CD160: variants seen among roughly 807,000 people sequenced by gnomAD.
CD160 encodes CD160 antigen.
CD160 carries 11 observed loss-of-function variants against 19.2 expected under a neutral mutation model. The ratio of observed to expected loss-of-function variants is 0.57; its 90% CI spans 0.36 to 0.95. The LOEUF is 0.95. Among genes scored for constraint, CD160 ranks in the 40% least tolerant of loss-of-function variants. CD160 has a pLI of 0.01. For missense variants in CD160, 182 were observed against 213.2 expected, an observed-to-expected ratio of 0.85 and a Z score of 0.91; for synonymous variants, 75 against 81.1, an observed-to-expected ratio of 0.93 and a Z score of 0.40.
At chr1:145,734,918 C>A (rs1293189277) in intron 4 of CD160, among the ~76,000 whole-genome samples, 4 of 151,860 alleles carry the variant, frequency 2.6e-5, no homozygotes, top group South Asian at 4.2e-4. Context: ...ACAAGCCTGG[C>A]CAACATGGTG....
At chr1:145,733,079 C>G (rs1168748201) in intron 4 of CD160, among the ~76,000 whole-genome samples, 1 of 152,082 alleles carries the variant, frequency 6.6e-6, no homozygotes, top group East Asian at 1.9e-4. Flanking sequence ...TCTCTATGAA[C>G]TTTTACAACT....
rs1230826459 is a variant in CD160, at chr1:145,724,176, A to C, written c.-178-625A>C. On this transcript the variant is annotated intron_variant, in intron 1 of 5. Coordinates refer to ENST00000369288, the MANE Select transcript of CD160 (RefSeq NM_007053.4). ...CTGAAATTCTGAACTCTGAATTTTT[A>C]ATTTGTACTTCCCTGAATACTTGTA... 3.5e-4 allele frequency among the ~76,000 whole-genome samples: 53 copies of C among 152,120 alleles called. 1 individual carries two copies. Among genetic ancestry groups the C allele is most frequent in the Non-Finnish European group, 1.5e-4 (10 of 68,002 alleles).
rs587738512 is a variant in CD160 at position 145,736,278 on chromosome 1, G to T, written c.538+144G>T. The stretch of plus-strand genomic sequence containing the variant: ...TTACTCAAGCCCTGGCTATCCACAG[G>T]AAAGTTCAAACCAGTTTCACTGATC... On this transcript the variant is annotated intron_variant, in intron 5 of 5. Coordinates refer to ENST00000369288, the MANE Select transcript of CD160 (RefSeq NM_007053.4). 5.1e-6 allele frequency: 8 copies of T among 1,555,224 alleles called. No individual in the cohort carries two copies. The East Asian group carries it at 1.9e-4, about 37-fold the overall frequency.
intron 5 of CD160, chr1:145,737,182 T>C (rs1478897459): frequency 6.6e-6 from 1 of 151,746 alleles, no homozygotes; most frequent in African/African-American, 2.4e-5. Flanking sequence ...CCCAGGCTGG[T>C]TGAGGTTGCA....
At chr1:145,733,968 CCCA>C (rs1273020819) in intron 4 of CD160, among the ~76,000 whole-genome samples, 3 of 152,162 alleles carry the variant, frequency 2.0e-5, no homozygotes, top group African/African-American at 7.2e-5. Flanking sequence ...TCCTGGATGT[CCCA>C]CCATTTCCTC....
intron 3 of CD160, among the ~76,000 whole-genome samples, chr1:145,729,223 C>A (rs587705800): frequency 6.6e-6 from 1 of 152,302 alleles, no homozygotes; most frequent in East Asian, 1.9e-4. Context: ...ATATCTCTTA[C>A]TCTTGTAGGA....
At chr1:145,728,505 T>TA in intron 3 of CD160, 105 bp downstream of exon 3, 1 of 324,526 alleles carries the variant, frequency 3.1e-6, no homozygotes, top group Non-Finnish European at 5.3e-6. Flanking sequence ...AGGACTCTTT[T>TA]TTTTTTTTTT....
chr1:145,724,009 G>A (rs1571672696), intron 1 of CD160, among the ~76,000 whole-genome samples: 1 of 152,152 alleles, frequency 6.6e-6, no homozygotes, highest in Non-Finnish European at 1.5e-5. Flanking sequence ...CATTTGAAAT[G>A]TTAATATATA....
At chr1:145,725,123 A>T (rs1657004501) in intron 2 of CD160, among the ~76,000 whole-genome samples, 1 of 151,844 alleles carries the variant, frequency 6.6e-6, no homozygotes, top group South Asian at 2.1e-4. Flanking sequence ...AGCACATGAA[A>T]AGAATAACAT....
rs1656742308 is a variant in CD160, at chr1:145,719,518, G to GC, written c.-215dup. 6 of 152,734 alleles carry GC rather than the reference G, an allele frequency of 3.9e-5. No homozygotes were observed. Among genetic ancestry groups the GC allele is most frequent in the African/African-American group, 1.4e-4 (6 of 41,624 alleles). 9.5% of individuals were successfully genotyped at this position (152,734 alleles called of 1,614,324 possible). A position where few individuals can be genotyped will look rare whatever the true frequency, so the allele number is the denominator to read the frequency against. ...AGGACTGAGAGCCATTTCAACGTGAGCCCCCAGTCTGAGAACAAGAAAGAA... is the reference window on the plus strand; with the variant it reads ...AGGACTGAGAGCCATTTCAACGTGAGCCCCCCAGTCTGAGAACAAGAAAGAA... On this transcript the variant is annotated 5_prime_UTR_variant, in exon 1 of 6. Transcript: ENST00000369288.
At chr1:145,738,273 C>A in intron 5 of CD160, 1 of 362,002 alleles carries the variant, frequency 2.8e-6, no homozygotes, top group East Asian at 4.0e-5. Flanking sequence ...GCCCCCTTCC[C>A]ACTCCCACCA....
chr1:145,728,132 C>T, intron 2 of CD160, 124 bp from the exon 3 acceptor site: 1 of 538,216 alleles, frequency 1.9e-6, no homozygotes, highest in Non-Finnish European at 3.3e-6. Flanking sequence ...GCCAGCTGGA[C>T]TCTCATGCCC....
rs1486559618 is a variant in CD160, at chr1:145,728,109, G to A, written c.-72-147G>A. The A allele has an allele frequency of 2.0e-5, 10 of 509,534 alleles. 1 individual carries two copies. The highest frequency in any genetic ancestry group is 2.0e-4 in the Admixed American group (6 of 30,700). The allele number at this position is 509,534 out of a possible 1,614,324, so 31.6% of individuals were successfully genotyped here. A position where few individuals can be genotyped will look rare whatever the true frequency, so the allele number is the denominator to read the frequency against. On this transcript the variant is annotated intron_variant, in intron 2 of 5. Coordinates refer to ENST00000369288, the MANE Select transcript of CD160 (RefSeq NM_007053.4). Reference sequence around the variant, plus strand: ...CCCAGTGTATCTCACTTGGTTTACCGCCTCACTTCCCAGCCAGCTGGACTC... The same window carrying A: ...CCCAGTGTATCTCACTTGGTTTACCACCTCACTTCCCAGCCAGCTGGACTC...
intron 3 of CD160, among the ~76,000 whole-genome samples, chr1:145,729,647 TG>T (rs1227573899): frequency 1.3e-5 from 2 of 152,242 alleles, no homozygotes; most frequent in African/African-American, 2.4e-5. Flanking sequence ...CAAAACATCC[TG>T]GGTTAACCCA....
intron 4 of CD160, among the ~76,000 whole-genome samples, chr1:145,731,433 G>C (rs1248686237): frequency 6.6e-6 from 1 of 152,156 alleles, no homozygotes; most frequent in African/African-American, 2.4e-5. Context: ...CATTTTGGGA[G>C]GCTGAGGTAG....
At chr1:145,731,623 T>C (rs1657297859) in intron 4 of CD160, among the ~76,000 whole-genome samples, 1 of 152,128 alleles carries the variant, frequency 6.6e-6, no homozygotes, top group African/African-American at 2.4e-5. Flanking sequence ...TGAGCCGAGA[T>C]TGTGCCATTG....
chr1:145,723,786 G>A (rs1294907797), intron 1 of CD160, among the ~76,000 whole-genome samples: 2 of 152,150 alleles, frequency 1.3e-5, no homozygotes, highest in African/African-American at 4.8e-5. Flanking sequence ...GTTTCACCAT[G>A]TGGGCCAGGC....
intron 1 of CD160, among the ~76,000 whole-genome samples, chr1:145,722,816 G>A (rs1656905971): frequency 6.6e-6 from 1 of 152,064 alleles, no homozygotes; most frequent in African/African-American, 2.4e-5. Context: ...GGATGGTCTC[G>A]ATCTCCTGAC....
At chr1:145,728,070 C>A (rs1657122122) in intron 2 of CD160, among the ~76,000 whole-genome samples, 186 bp from the exon 3 acceptor site, 1 of 152,122 alleles carries the variant, frequency 6.6e-6, no homozygotes, top group Admixed American at 6.5e-5. Flanking sequence ...CCCTATGCCC[C>A]TCCCTCCCCG....
Sources: allele counts gnomAD v4.1 joint callset (sites outside exome capture counted in the v4.1 genomes callset), GRCh38; gene constraint gnomAD v4.1.1; transcripts MANE v1.5; gene names NCBI Gene and HGNC (gene_info 2026-07-23, HGNC 2026-07-21).